DLST: variants seen among roughly 807,000 people sequenced by gnomAD.
The protein encoded by DLST is dihydrolipoyllysine-residue succinyltransferase component of 2-oxoglutarate dehydrogenase complex, mitochondrial.
In DLST, 17 loss-of-function variants were observed where a neutral mutation model predicts 53.1. That is an observed-to-expected ratio of 0.32 (90% CI 0.22 to 0.48). The LOEUF (loss-of-function observed/expected upper bound fraction) is 0.48, where lower values mean the gene tolerates loss of function less well. Among genes scored for constraint, DLST ranks in the 20% least tolerant of loss-of-function variants. The probability of loss-of-function intolerance (pLI) is 0.99; values close to 1 mark genes in which losing one functional copy is unlikely to be tolerated. For synonymous variants in DLST, 206 were observed against 204.8 expected (o/e 1.01, Z -0.05); for missense variants, 512 against 583.9 (o/e 0.88, Z 1.27).
At chr14:74,886,501 A>G (rs1883710435) in intron 3 of DLST, among the ~76,000 whole-genome samples, 1 of 151,682 alleles carries the variant, frequency 6.6e-6, no homozygotes, top group East Asian at 1.9e-4. Context: ...TGTTTTTTGT[A>G]TTTTTTGTAG....
chr14:74,903,431 A>C lies in DLST; in HGVS notation c.*1101A>C, dbSNP rs1566798103. ...ACCTAGTGGTGAAACGGATGAGGTCATTTCTAAGGTGTGTTGCCCGTGGAT... is the reference window on the plus strand; with the variant it reads ...ACCTAGTGGTGAAACGGATGAGGTCCTTTCTAAGGTGTGTTGCCCGTGGAT... On this transcript the variant is annotated 3_prime_UTR_variant, in exon 15 of 15. Coordinates refer to ENST00000334220, the MANE Select transcript of DLST (RefSeq NM_001933.5). 1 of 152,158 alleles carries C rather than the reference A, an allele frequency of 6.6e-6. No homozygotes were observed. Among genetic ancestry groups the C allele is most frequent in the East Asian group, 1.9e-4 (1 of 5,190 alleles). 9.4% of individuals were successfully genotyped at this position (152,158 alleles called of 1,614,324 possible).
chr14:74,894,185 C>T (rs1425308717), intron 9 of DLST, 127 bp from the exon 10 acceptor site: 12 of 1,072,520 alleles, frequency 1.1e-5, no homozygotes, highest in Non-Finnish European at 1.6e-5. Flanking sequence ...AAGCCTGGAG[C>T]TCGTGTACTT....
At chr14:74,889,547 T>G in intron 5 of DLST, 198 bp downstream of exon 5, 1 of 562,810 alleles carries the variant, frequency 1.8e-6, no homozygotes, top group South Asian at 2.3e-5. Context: ...TTTTTTGTAT[T>G]TTTAGTAGAG....
In DLST at chr14:74,885,751, ATTATG is replaced by A. The variant is rs1446611474; in HGVS notation, c.146+120_146+124del. 4.2e-6 allele frequency: 4 copies of A among 953,888 alleles called. No homozygotes were observed. The Admixed American group carries it at 7.2e-5, about 17-fold the overall frequency. The allele number at this position is 953,888 out of a possible 1,614,324, so 59.1% of individuals were successfully genotyped here. On this transcript the variant is annotated intron_variant, in intron 3 of 14. Coordinates refer to ENST00000334220, the MANE Select transcript of DLST (RefSeq NM_001933.5). Reference sequence around the variant, plus strand: ...GCCTCCAGACCTAGAAATTGAGGTGATTATGTTGAGTCCCTAGACTAACCTCAATG... The same window carrying A: ...GCCTCCAGACCTAGAAATTGAGGTGATTGAGTCCCTAGACTAACCTCAATG...
At chr14:74,894,099 G>A (rs897144791) in intron 9 of DLST, among the ~76,000 whole-genome samples, 1 of 152,106 alleles carries the variant, frequency 6.6e-6, no homozygotes, top group South Asian at 2.1e-4. Flanking sequence ...CAAGCTTTAG[G>A]CACATCTGAG....
At chr14:74,895,052 C>T (rs1259204876) in intron 10 of DLST, among the ~76,000 whole-genome samples, 1 of 152,036 alleles carries the variant, frequency 6.6e-6, no homozygotes, top group African/African-American at 2.4e-5. Flanking sequence ...CAAGGCGAAA[C>T]CCCACCTCTA....
rs1485300271 is a variant in DLST, at chr14:74,903,431, AT to A, written c.*1104del. The stretch of plus-strand genomic sequence containing the variant: ...ACCTAGTGGTGAAACGGATGAGGTC[AT>A]TTCTAAGGTGTGTTGCCCGTGGATC... On this transcript the variant is annotated 3_prime_UTR_variant, in exon 15 of 15. Transcript: ENST00000334220. 1.3e-5 allele frequency: 2 copies of A among 152,158 alleles called. No individual in the cohort carries two copies. Among genetic ancestry groups the A allele is most frequent in the East Asian group, 3.9e-4 (2 of 5,190 alleles). 9.4% of individuals were successfully genotyped at this position (152,158 alleles called of 1,614,324 possible). A position where few individuals can be genotyped will look rare whatever the true frequency, so the allele number is the denominator to read the frequency against.
rs772920842 is a variant in DLST at position 74,902,287 on chromosome 14, A to G, written c.1319A>G (p.Lys440Arg). Residue 440 changes from lysine to arginine, a missense_variant, in exon 15 of 15, where the codon AAG becomes AGG. Physicochemically the swap from Lys to Arg is conservative, Grantham distance 26. Coordinates refer to ENST00000334220, the MANE Select transcript of DLST (RefSeq NM_001933.5). ...REAVTFLRKI[K>R]AAVEDPRVLL... The stretch of plus-strand genomic sequence containing the variant: ...GCTGTGACTTTCCTCCGCAAAATCA[A>G]GGCAGCGGTAGAGGATCCCAGAGTC... The G allele has an allele frequency of 1.2e-6, 2 of 1,613,170 alleles. No individual in the cohort carries two copies. Among genetic ancestry groups the G allele is most frequent in the African/African-American group, 2.7e-5 (2 of 74,922 alleles).
chr14:74,889,522 C>T (rs1883827651), intron 5 of DLST, 173 bp downstream of exon 5: 1 of 598,240 alleles, frequency 1.7e-6, no homozygotes, highest in Admixed American at 3.2e-5. Flanking sequence ...GTGCCCACCA[C>T]CATGCCTGGC....
intron 8 of DLST, 41 bp downstream of exon 8, chr14:74,893,027 C>T (rs3742788): frequency 0.16 from 252,156 of 1,586,142 alleles, 21,788 homozygotes; most frequent in South Asian, 0.29. Context: ...GAGAACATCT[C>T]GTCTAATATG....
In DLST at chr14:74,891,172, A is replaced by G. The variant is rs780818109; in HGVS notation, c.442+5A>G. On this transcript the variant is annotated splice_donor_5th_base_variant and intron_variant, in intron 7 of 14. Transcript: ENST00000334220. ...TCACACTCAGGAAAACTGGTGGTAAAGAAGTTCTCCTGGTGGTCAAGGTCT... is the reference window on the plus strand; with the variant it reads ...TCACACTCAGGAAAACTGGTGGTAAGGAAGTTCTCCTGGTGGTCAAGGTCT... 6.2e-7 allele frequency: 1 copy of G among 1,614,088 alleles called. No homozygotes were observed. Among genetic ancestry groups the G allele is most frequent in the Non-Finnish European group, 8.5e-7 (1 of 1,179,958 alleles).
intron 7 of DLST, among the ~76,000 whole-genome samples, chr14:74,892,512 GTT>G (rs201992318): frequency 2.0e-5 from 3 of 148,428 alleles, no homozygotes; most frequent in Non-Finnish European, 4.5e-5. Context: ...TTGCCTAGGT[GTT>G]TTTTTTTTTC....
At position 74,900,707 on chromosome 14, in the gene DLST, C is replaced by A. The variant is rs181341204; in HGVS notation, c.1059+335C>A. Among the ~76,000 whole-genome samples, 4 of 152,326 alleles carry A rather than the reference C, an allele frequency of 2.6e-5. No individual in the cohort carries two copies. The East Asian group carries it at 7.7e-4, about 29-fold the overall frequency. ...AGCGCTTGTGCCATCGATCTCGATA[C>A]AAGCTTTCTGGACTTCCTTTGCTTT... On this transcript the variant is annotated intron_variant, in intron 13 of 14. Transcript: ENST00000334220.
chr14:74,894,773 T>A (rs180694310), intron 10 of DLST, among the ~76,000 whole-genome samples: 115 of 152,066 alleles, frequency 7.6e-4, no homozygotes, highest in African/African-American at 2.6e-3. Flanking sequence ...GGTCTCGATC[T>A]CCTGACCTCG....
At chr14:74,895,841 GGCTGATATCGCGCCACTGCACTCCA>G (rs1884060750) in intron 10 of DLST, among the ~76,000 whole-genome samples, 2 of 152,120 alleles carry the variant, frequency 1.3e-5, no homozygotes, top group South Asian at 4.1e-4. Context: ...AGGTTGCAGT[GGCTGATATCGCGCCACTGCACTCCA>G]GCCTGGGCAA....
At chr14:74,893,945 A>G (rs978487723) in intron 9 of DLST, among the ~76,000 whole-genome samples, 1 of 152,228 alleles carries the variant, frequency 6.6e-6, no homozygotes, top group African/African-American at 2.4e-5. Context: ...CTGTTCCACA[A>G]ATAGCTATTC....
In DLST at chr14:74,881,945, T is replaced by TCCGCCGTGATGCTGTCCCGATC. The variant is rs1397161585; in HGVS notation, c.-4_18dup. The TCCGCCGTGATGCTGTCCCGATC allele has an allele frequency of 1.3e-6, 2 of 1,544,954 alleles. No homozygotes were observed. Among genetic ancestry groups the TCCGCCGTGATGCTGTCCCGATC allele is most frequent in the Admixed American group, 1.9e-5 (1 of 53,954 alleles). ...CCGGTGTCCGCCCGCCCTCGGCTCCTCCGCCGTGATGCTGTCCCGATCCCG... is the reference window on the plus strand; with the variant it reads ...CCGGTGTCCGCCCGCCCTCGGCTCCTCCGCCGTGATGCTGTCCCGATCCCGCCGTGATGCTGTCCCGATCCCG... On this transcript the variant is annotated 5_prime_UTR_variant, in exon 1 of 15. In the 5' UTR this introduces an upstream ATG that the reference lacks. Coordinates refer to ENST00000334220, the MANE Select transcript of DLST (RefSeq NM_001933.5).
chr14:74,884,708 G>A (rs1260001921), intron 2 of DLST, among the ~76,000 whole-genome samples: 1 of 152,178 alleles, frequency 6.6e-6, no homozygotes, highest in Non-Finnish European at 1.5e-5. Context: ...CTTAGAATTT[G>A]CACTGCATAG....
chr14:74,894,228 C>A, intron 9 of DLST, 84 bp from the exon 10 acceptor site: 2 of 1,528,904 alleles, frequency 1.3e-6, no homozygotes, highest in Admixed American at 1.8e-5. Flanking sequence ...CTACTCGTGG[C>A]AAGCCGTGTT....
Sources: gnomAD v4.1 joint callset for allele counts (sites outside exome capture counted in the v4.1 genomes callset) on GRCh38, gnomAD v4.1.1 for gene constraint, MANE v1.5 for transcripts, NCBI Gene and HGNC (gene_info 2026-07-23, HGNC 2026-07-21) for gene names.